Variants in DCAF4 observed in about 807,000 individuals in gnomAD.
DCAF4 encodes the protein DDB1- and CUL4-associated factor 4.
Under a neutral mutation model 60.9 loss-of-function variants are expected in DCAF4, and 37 were observed. That is an observed-to-expected ratio of 0.61 (90% CI 0.47 to 0.80). DCAF4 has a LOEUF of 0.80. Among genes scored for constraint, DCAF4 ranks in the 30% least tolerant of loss-of-function variants. DCAF4 has a pLI of 0.00. For missense variants in DCAF4, 577 were observed against 650.0 expected, an observed-to-expected ratio of 0.89 and a Z score of 1.22; for synonymous variants, 243 against 254.8, an observed-to-expected ratio of 0.95 and a Z score of 0.44.
At chr14:72,960,710 G>A, downstream of DCAF4, 3 of 1,061,836 alleles carry the variant, frequency 2.8e-6, no homozygotes, top group Non-Finnish European at 3.5e-6. Flanking sequence ...GGCAAGTGCT[G>A]CCTCCATTTC....
Position 72,939,916 on chromosome 14 carries a change from C to G in DCAF4, c.193+14C>G. On this transcript the variant is annotated intron_variant, in intron 3 of 13. Transcript: ENST00000358377. ...CCTCTGTGCCAGGTAAGGCCACTTG[C>G]GGGGTGGGAATCCTGGCCCTTGCAC... 1 of 1,588,254 alleles carries G rather than the reference C, an allele frequency of 6.3e-7. No homozygotes were observed. Among genetic ancestry groups the G allele is most frequent in the Non-Finnish European group, 8.6e-7 (1 of 1,167,196 alleles).
In DCAF4 at chr14:72,954,499, A is replaced by T; in HGVS notation, c.1005+16A>T. 1 of 1,613,504 alleles carries T rather than the reference A, an allele frequency of 6.2e-7. No individual in the cohort carries two copies. Among genetic ancestry groups the T allele is most frequent in the Non-Finnish European group, 8.5e-7 (1 of 1,179,470 alleles). ...TGCTCTCATGGTTGGTTGGATTGGG[A>T]CAGGCAGAATATAAAAGTTTGCCCC... On this transcript the variant is annotated intron_variant, in intron 11 of 13. Transcript: ENST00000358377.
rs2140327737 is a variant in DCAF4 at position 72,959,639 on chromosome 14, G to T, written c.*834G>T. On this transcript the variant is annotated 3_prime_UTR_variant, in exon 14 of 14. Coordinates refer to ENST00000358377, the MANE Select transcript of DCAF4 (RefSeq NM_015604.4). Reference sequence around the variant, plus strand: ...TTTTTCTACCAAACAATAAAACCAAGAGAAGAATCATGGTGTGACATGCAC... The same window carrying T: ...TTTTTCTACCAAACAATAAAACCAATAGAAGAATCATGGTGTGACATGCAC... 2 of 985,448 alleles carry T rather than the reference G, an allele frequency of 2.0e-6. No individual in the cohort carries two copies. Among genetic ancestry groups the T allele is most frequent in the African/African-American group, 3.5e-5 (2 of 57,348 alleles). The allele number at this position is 985,448 out of a possible 1,614,324, so 61.0% of individuals were successfully genotyped here.
intron 1 of DCAF4, among the ~76,000 whole-genome samples, chr14:72,933,326 C>T (rs552898578): frequency 2.0e-5 from 3 of 151,994 alleles, no homozygotes; most frequent in African/African-American, 4.8e-5. Flanking sequence ...TTTGGGAGGC[C>T]GAGATGGGCA....
chr14:72,938,312 T>C (rs536851989), intron 2 of DCAF4, among the ~76,000 whole-genome samples: 27 of 152,320 alleles, frequency 1.8e-4, no homozygotes, highest in Non-Finnish European at 2.8e-4. Flanking sequence ...CTCTCTGTTC[T>C]TTCCTAAGTG....
At position 72,942,181 on chromosome 14, in the gene DCAF4, A is replaced by G. The variant is rs190794358; in HGVS notation, c.431+357A>G. 155 of 229,608 alleles carry G rather than the reference A, an allele frequency of 6.8e-4. 1 individual carries two copies. Among genetic ancestry groups the G allele is most frequent in the African/African-American group, 3.3e-3 (146 of 44,332 alleles). The allele number at this position is 229,608 out of a possible 1,614,324, so 14.2% of individuals were successfully genotyped here. On this transcript the variant is annotated intron_variant, in intron 5 of 13. Coordinates refer to ENST00000358377, the MANE Select transcript of DCAF4 (RefSeq NM_015604.4). ...CCCTTCTAATGAGTTGTCACCAACA[A>G]TGGGGCATTAAGTGGATGTGTGTGT...
chr14:72,956,182 T>A (rs1165247599), intron 12 of DCAF4, among the ~76,000 whole-genome samples: 1 of 152,020 alleles, frequency 6.6e-6, no homozygotes, highest in African/African-American at 2.4e-5. Context: ...TGGCCTCCCA[T>A]AGTGCTGGGA....
intron 7 of DCAF4, 125 bp from the exon 8 acceptor site, chr14:72,947,017 A>T: frequency 1.6e-6 from 2 of 1,284,962 alleles, no homozygotes; most frequent in South Asian, 2.4e-5. Flanking sequence ...TGCTTGTTCC[A>T]GCCCATTTGA....
At position 72,954,186 on chromosome 14, in the gene DCAF4, C is replaced by G. The variant is rs767278628; in HGVS notation, c.831C>G (p.Leu277=). Residue 277 remains leucine, a synonymous_variant, in exon 10 of 14, where the codon CTC becomes CTG. Coordinates refer to ENST00000358377, the MANE Select transcript of DCAF4 (RefSeq NM_015604.4). ...CAGGAATAGACCGGCCTGGCATGCT[C>G]TGCAGTTTCCGGATCCCTGGTGCCT... ...SHPGIDRPGM[L]CSFRIPGAWS... 8 of 1,614,082 alleles carry G rather than the reference C, an allele frequency of 5.0e-6. No individual in the cohort carries two copies. In the South Asian group the frequency reaches 8.8e-5, roughly 18 times the overall value.
At position 72,938,057 on chromosome 14, in the gene DCAF4, G is replaced by T; in HGVS notation, c.79G>T (p.Asp27Tyr). The T allele has an allele frequency of 1.2e-6, 2 of 1,607,426 alleles. No homozygotes were observed. The highest frequency in any genetic ancestry group is 1.7e-6 in the Non-Finnish European group (2 of 1,178,128). ...HQQNPWFRLR[D>Y]SEDRSDSRAA... ...GCAGAACCCTTGGTTCAGACTCCGT[G>T]ATTCTGAAGACAGGCAAGTGTGCCG... The change falls in exon 2 of 14, where the codon GAT becomes TAT. Residue 27 changes from aspartate (D) to tyrosine (Y), a missense_variant. Asp to Tyr is a radical substitution (Grantham distance 160). Coordinates refer to ENST00000358377, the MANE Select transcript of DCAF4 (RefSeq NM_015604.4).
intron 9 of DCAF4, among the ~76,000 whole-genome samples, chr14:72,953,720 AAAAAAAAAAAAAATATATATATAT>A (rs1401557449): frequency 5.9e-5 from 3 of 50,440 alleles, no homozygotes; most frequent in African/African-American, 2.8e-4. Flanking sequence ...AAAAAAAAAA[AAAAAAAAAAAAAATATATATATAT>A]ATATATATAT....
intron 1 of DCAF4, among the ~76,000 whole-genome samples, chr14:72,930,716 G>GATTT (rs1367195658): frequency 7.9e-5 from 12 of 152,120 alleles, no homozygotes; most frequent in Non-Finnish European, 7.3e-5. Context: ...AGATCATGAT[G>GATTT]ATTTATACCT....
Position 72,939,819 on chromosome 14 carries a change from C to T in DCAF4, c.110C>T (p.Ala37Val). The change falls in exon 3 of 14, where the codon GCA (alanine) becomes GTA (valine). Residue 37 changes from alanine to valine, a missense_variant. Transcript: ENST00000358377. ...DSEDRSDSRA[A>V]QPAHDSGHGD... ...GTCAACAGGTCTGACTCCCGGGCAG[C>T]ACAGCCCGCTCACGATTCCGGCCAC... 1 of 1,612,708 alleles carries T rather than the reference C, an allele frequency of 6.2e-7. No homozygotes were observed. The highest frequency in any genetic ancestry group is 1.3e-5 in the African/African-American group (1 of 75,016).
intron 1 of DCAF4, chr14:72,929,842 C>T (rs1267146146): frequency 1.7e-5 from 24 of 1,427,448 alleles, no homozygotes; most frequent in East Asian, 2.3e-5. Context: ...CAGACGCCCG[C>T]GGCGGCGGCT....
chr14:72,946,130 T>G, intron 7 of DCAF4, 103 bp downstream of exon 7: 1 of 1,397,908 alleles, frequency 7.2e-7, no homozygotes, highest in Non-Finnish European at 9.7e-7. Context: ...CAGAGCATAC[T>G]TACCTCATTT....
At chr14:72,950,361 G>A (rs1042712508) in intron 8 of DCAF4, among the ~76,000 whole-genome samples, 59 of 152,302 alleles carry the variant, frequency 3.9e-4, no homozygotes, top group African/African-American at 1.4e-3. Flanking sequence ...CTCCCAGAGA[G>A]TGGTGGGTTG....
At position 72,937,992 on chromosome 14, in the gene DCAF4, G is replaced by A. The variant is rs763904252; in HGVS notation, c.14G>A (p.Arg5His). The change falls in exon 2 of 14, where the codon CGC becomes CAC. Residue 5 changes from arginine (R) to histidine (H), a missense_variant. Physicochemically the swap from Arg to His is conservative, Grantham distance 29. Transcript: ENST00000358377. Reference protein sequence around the residue: MNKSRWQSRRRHGRR... With the variant: MNKSHWQSRRRHGRR... ...TTAGGAACAGAAATGAATAAAAGTC[G>A]CTGGCAGAGTAGAAGACGACATGGG... The A allele has an allele frequency of 1.5e-5, 24 of 1,605,300 alleles. No homozygotes were observed. The highest frequency in any genetic ancestry group is 6.7e-5 in the South Asian group (6 of 89,732).
chr14:72,934,075 C>G (rs1599579221), intron 1 of DCAF4, among the ~76,000 whole-genome samples: 1 of 152,016 alleles, frequency 6.6e-6, no homozygotes, highest in East Asian at 1.9e-4. Context: ...AGGCTCATCC[C>G]CCCCATTTCT....
In DCAF4 at chr14:72,940,339, A is replaced by G; in HGVS notation, c.313A>G (p.Arg105Gly). Reference sequence around the variant, plus strand: ...CCGGCAGAAGGAGATGGAGAGCAAGAGACTGCGGCTGCTCCAGGAAGAAGA... The same window carrying G: ...CCGGCAGAAGGAGATGGAGAGCAAGGGACTGCGGCTGCTCCAGGAAGAAGA... ...SIRQKEMESKRLRLLQEEDRR... is the reference protein window; with the variant it reads ...SIRQKEMESKGLRLLQEEDRR... Residue 105 changes from arginine (R) to glycine (G), a missense_variant, in exon 4 of 14, where the codon AGA becomes GGA. Physicochemically the swap from Arg to Gly is moderately radical, Grantham distance 125 (BLOSUM62 -2). Coordinates refer to ENST00000358377, the MANE Select transcript of DCAF4 (RefSeq NM_015604.4). 6.2e-7 allele frequency: 1 copy of G among 1,613,616 alleles called. No individual in the cohort carries two copies. The highest frequency in any genetic ancestry group is 8.5e-7 in the Non-Finnish European group (1 of 1,179,902).
Sources: gnomAD v4.1 joint callset for allele counts (sites outside exome capture counted in the v4.1 genomes callset) on GRCh38, gnomAD v4.1.1 for gene constraint, MANE v1.5 for transcripts, NCBI Gene and HGNC (gene_info 2026-07-23, HGNC 2026-07-21) for gene names.